Variants in GNG10 observed in about 807,000 individuals in gnomAD.
The protein encoded by GNG10 is G protein subunit gamma 10.
GNG10 carries 7 observed loss-of-function variants against 6.8 expected under a neutral mutation model. The ratio of observed to expected loss-of-function variants is 1.02; its 90% confidence interval spans 0.58 to 1.92. GNG10 has a LOEUF of 1.92. GNG10 is among the 30% of genes most tolerant of loss of function. GNG10 has a pLI of 0.00. For synonymous variants in GNG10, 28 were observed against 34.8 expected (o/e 0.80, Z 0.69); for missense variants, 57 against 86.1 (o/e 0.66, Z 1.34).
chr9:111,666,775 G>T lies in GNG10; in HGVS notation c.82-40G>T, dbSNP rs766637999. 7 of 1,598,756 alleles carry T rather than the reference G, an allele frequency of 4.4e-6. No individual in the cohort carries two copies. The South Asian group carries it at 7.8e-5, about 18-fold the overall frequency. ...ATATCCTTGACTGCCGGGTGGCTTG[G>T]CTGTGAGCAGGGTGCCATGTTGCTG... On this transcript the variant is annotated intron_variant, in intron 1 of 2. Coordinates refer to ENST00000374293, the MANE Select transcript of GNG10 (RefSeq NM_001017998.4).
rs1830907470 is a variant in GNG10 at position 111,666,819 on chromosome 9, C to G, written c.86C>G (p.Ser29Cys). 6.2e-6 allele frequency: 10 copies of G among 1,612,380 alleles called. No individual in the cohort carries two copies. Among genetic ancestry groups the G allele is most frequent in the Non-Finnish European group, 6.8e-6 (8 of 1,179,658 alleles). Residue 29 changes from serine to cysteine, a missense_variant, in exon 2 of 3, where the codon TCT becomes TGT. Coordinates refer to ENST00000374293, the MANE Select transcript of GNG10 (RefSeq NM_001017998.4). ...GTTGCTGTCCCTTTGTTTCAGGTCT[C>G]TCAGGCAGCTGCAGAGCTTCAACAG... ...LEAGVERIKV[S>C]QAAAELQQYC... is the part of the protein sequence containing the mutation.
intron 2 of GNG10, 31 bp downstream of exon 2, chr9:111,666,977 C>T (rs781172270): frequency 7.2e-5 from 116 of 1,608,612 alleles, no homozygotes; most frequent in East Asian, 1.3e-4. Context: ...ATGTCTTGGG[C>T]CCATAGCATT....
chr9:111,664,212 C>G (rs112628911), intron 1 of GNG10, among the ~76,000 whole-genome samples: 1 of 152,072 alleles, frequency 6.6e-6, no homozygotes, highest in Non-Finnish European at 1.5e-5. Flanking sequence ...TGCCTGAGCT[C>G]GCAGTAAGCT....
chr9:111,665,365 G>C (rs10817207), intron 1 of GNG10, among the ~76,000 whole-genome samples: 2 of 151,948 alleles, frequency 1.3e-5, no homozygotes, highest in African/African-American at 4.8e-5. Flanking sequence ...TGGCTTAAAA[G>C]ATTTATACTC....
Position 111,666,876 on chromosome 9 carries a change from T to G in GNG10, c.143T>G (p.Leu48Arg). Residue 48 changes from leucine to arginine, a missense_variant, in exon 2 of 3, where the codon CTG becomes CGG. By Grantham distance (102) the Leu-to-Arg change is moderately radical. Coordinates refer to ENST00000374293, the MANE Select transcript of GNG10 (RefSeq NM_001017998.4). Reference sequence around the variant, plus strand: ...ATGCAGAATGCCTGCAAGGATGCCCTGCTGGTGGGTGTTCCAGCTGGAAGT... The same window carrying G: ...ATGCAGAATGCCTGCAAGGATGCCCGGCTGGTGGGTGTTCCAGCTGGAAGT... ...YCMQNACKDALLVGVPAGSNP... is the reference protein window; with the variant it reads ...YCMQNACKDARLVGVPAGSNP... 6.2e-7 allele frequency: 1 copy of G among 1,613,980 alleles called. No homozygotes were observed. The highest frequency in any genetic ancestry group is 8.5e-7 in the Non-Finnish European group (1 of 1,179,894).
At chr9:111,663,354 G>GT (rs1249108433) in intron 1 of GNG10, among the ~76,000 whole-genome samples, 1 of 152,160 alleles carries the variant, frequency 6.6e-6, no homozygotes, top group Admixed American at 6.5e-5. Context: ...AGAGGAGTAA[G>GT]TTAGCAGGGG....
Position 111,661,923 on chromosome 9 carries a change from C to G in GNG10, c.81+208C>G, listed in dbSNP as rs1448567046. 6.6e-6 allele frequency among the ~76,000 whole-genome samples: 1 copy of G among 151,702 alleles called. No individual in the cohort carries two copies. The highest frequency in any genetic ancestry group is 2.4e-5 in the African/African-American group (1 of 41,346). ...ACGGGAGGAAGCCGCGCCTGGGGGG[C>G]CCCGCGGTCGTGGTCGGTCCCGGTC... On this transcript the variant is annotated intron_variant, in intron 1 of 2. Transcript: ENST00000374293. This position sits in a 1 kb window ranked among gnomAD's most constrained non-coding sequence, Gnocchi z 6.1.
chr9:111,668,744 C>T (rs1241755986), intron 2 of GNG10, among the ~76,000 whole-genome samples: 1 of 152,156 alleles, frequency 6.6e-6, no homozygotes, highest in Non-Finnish European at 1.5e-5. Context: ...CTCGGCCTCC[C>T]GAAGTGCTGG....
rs142367113 is a variant in GNG10, at chr9:111,663,124, G to A, written c.81+1409G>A. On this transcript the variant is annotated intron_variant, in intron 1 of 2. Transcript: ENST00000374293. ...TCTAGATATGGGCTAAACTTGTATG[G>A]TGACACTTTTCTTTGTGAAATAGGA... 7.6e-3 allele frequency among the ~76,000 whole-genome samples: 1,164 copies of A among 152,266 alleles called. 23 individuals carry two copies. Among genetic ancestry groups the A allele is most frequent in the Admixed American group, 0.038 (578 of 15,292 alleles).
rs551073457 is a variant in GNG10, at chr9:111,661,619, G to A, written c.-16G>A. ...CGGCCGGGCCCAGCAGCCCCTAGGAGCCCAGCGCCGCCGCCATGTCCTCCG... is the reference window on the plus strand; with the variant it reads ...CGGCCGGGCCCAGCAGCCCCTAGGAACCCAGCGCCGCCGCCATGTCCTCCG... On this transcript the variant is annotated 5_prime_UTR_variant, in exon 1 of 3. Transcript: ENST00000374293. This position sits in a 1 kb window ranked among gnomAD's most constrained non-coding sequence, Gnocchi z 6.1. The A allele has an allele frequency of 4.8e-5, 63 of 1,305,370 alleles. No homozygotes were observed. In the East Asian group the frequency reaches 1.6e-3, roughly 32 times the overall value. The allele number at this position is 1,305,370 out of a possible 1,614,324, so 80.9% of individuals were successfully genotyped here. A position where few individuals can be genotyped will look rare whatever the true frequency, so the allele number is the denominator to read the frequency against.
Position 111,661,784 on chromosome 9 carries a change from C to A in GNG10, c.81+69C>A. On this transcript the variant is annotated intron_variant, in intron 1 of 2. Transcript: ENST00000374293. This position sits in a 1 kb window ranked among gnomAD's most constrained non-coding sequence, Gnocchi z 6.1. ...GGCGTGAGAAGAGGAGGCCGGCGGC[C>A]CGGACCGGGCGCCAGCGGGGGACTC... 1.1e-6 allele frequency: 1 copy of A among 951,144 alleles called. No homozygotes were observed. The highest frequency in any genetic ancestry group is 1.8e-5 in the African/African-American group (1 of 56,566). The allele number at this position is 951,144 out of a possible 1,614,324, so 58.9% of individuals were successfully genotyped here. A position where few individuals can be genotyped will look rare whatever the true frequency, so the allele number is the denominator to read the frequency against.
chr9:111,662,266 G>C (rs1830834662), intron 1 of GNG10, among the ~76,000 whole-genome samples: 1 of 152,082 alleles, frequency 6.6e-6, no homozygotes, highest in South Asian at 2.1e-4. Context: ...TGTCCTCATG[G>C]CCTGAAGCTC....
At chr9:111,662,294 GAGGTCATTCAAGTGCATTGGGGCGAAAA>G (rs1301007870) in intron 1 of GNG10, among the ~76,000 whole-genome samples, 2 of 152,174 alleles carry the variant, frequency 1.3e-5, no homozygotes, top group Non-Finnish European at 2.9e-5. Flanking sequence ...AGGGCTGAAA[GAGGTCATTCAAGTGCATTGGGGCGAAAA>G]AGCCTCTTCT....
chr9:111,661,815 C>G lies in GNG10; in HGVS notation c.81+100C>G. On this transcript the variant is annotated intron_variant, in intron 1 of 2. Coordinates refer to ENST00000374293, the MANE Select transcript of GNG10 (RefSeq NM_001017998.4). The surrounding 1 kb of genome is among the most constrained non-coding windows in gnomAD (Gnocchi z 6.1). ...CGGGCGCCAGCGGGGGACTCGGTGG[C>G]GGCGGCGAGGCCTCGGCGGGGCGCG... 1 of 612,734 alleles carries G rather than the reference C, an allele frequency of 1.6e-6. No homozygotes were observed. 38.0% of individuals were successfully genotyped at this position (612,734 alleles called of 1,614,324 possible).
At chr9:111,668,060 G>A (rs1183189630) in intron 2 of GNG10, among the ~76,000 whole-genome samples, 2 of 152,140 alleles carry the variant, frequency 1.3e-5, no homozygotes, top group African/African-American at 4.8e-5. Flanking sequence ...GTTTCACCAT[G>A]TTGGCTAGGC....
intron 1 of GNG10, among the ~76,000 whole-genome samples, chr9:111,662,971 G>A (rs79430314): frequency 0.011 from 1,670 of 152,126 alleles, 37 homozygotes; most frequent in African/African-American, 0.038. Context: ...ATATTTTTAG[G>A]TTCCAGGGAA....
intron 1 of GNG10, among the ~76,000 whole-genome samples, chr9:111,662,421 G>T (rs949484892): frequency 5.3e-5 from 8 of 152,034 alleles, no homozygotes; most frequent in African/African-American, 1.7e-4. Flanking sequence ...AGACAGCAAG[G>T]TTTCCGAGCA....
intron 1 of GNG10, among the ~76,000 whole-genome samples, chr9:111,665,131 G>C (rs750279178): frequency 6.6e-5 from 10 of 152,104 alleles, no homozygotes; most frequent in Non-Finnish European, 1.3e-4. Flanking sequence ...TTATTTGGAG[G>C]CTTGGAAAAT....
At chr9:111,664,777 T>C (rs1161842770) in intron 1 of GNG10, among the ~76,000 whole-genome samples, 4 of 152,188 alleles carry the variant, frequency 2.6e-5, no homozygotes, top group Non-Finnish European at 5.9e-5. Flanking sequence ...TCAGTTAGTC[T>C]CATTTCTCCA....
Sources: gnomAD v4.1 joint callset for allele counts (sites outside exome capture counted in the v4.1 genomes callset) on GRCh38, gnomAD v4.1.1 for gene constraint, Gnocchi (gnomAD v3.1) non-coding constraint, MANE v1.5 for transcripts, NCBI Gene and HGNC (gene_info 2026-07-23, HGNC 2026-07-21) for gene names.